SH3GL1: variants seen among roughly 807,000 people sequenced by gnomAD.
The protein encoded by SH3GL1 is SH3 domain containing GRB2 like 1, endophilin A2, also known as endophilin-A2.
A neutral mutation model predicts 48.8 loss-of-function variants in SH3GL1; 21 were observed. That is an observed-to-expected ratio of 0.43 (90% confidence interval 0.30 to 0.62). SH3GL1 has a LOEUF of 0.62. SH3GL1 is among the 20% of genes least tolerant of loss of function. SH3GL1 has a pLI of 0.11. For missense variants in SH3GL1, 454 were observed against 503.0 expected (o/e 0.90, Z 0.93); for synonymous variants, 282 against 217.5 (o/e 1.30, Z -2.61).
chr19:4,394,108 C>CCT (rs1352458023), intron 1 of SH3GL1, among the ~76,000 whole-genome samples: 1 of 141,520 alleles, frequency 7.1e-6, no homozygotes, highest in East Asian at 2.1e-4. Flanking sequence ...ATGTTCAAAC[C>CCT]CTCTCCCTCC....
At chr19:4,381,111 GTCCCCCTGCCTCTCTCTA>G (rs1264739276) in intron 1 of SH3GL1, among the ~76,000 whole-genome samples, 18 of 84,472 alleles carry the variant, frequency 2.1e-4, no homozygotes, top group Non-Finnish European at 3.2e-4. Flanking sequence ...CTTTGCCTCT[GTCCCCCTGCCTCTCTCTA>G]TCCCCCTGCC....
chr19:4,372,086 G>T (rs1972913807), intron 1 of SH3GL1, among the ~76,000 whole-genome samples: 1 of 152,226 alleles, frequency 6.6e-6, no homozygotes, highest in Non-Finnish European at 1.5e-5. Context: ...AAAACTACAG[G>T]CATGACACAG....
At chr19:4,387,829 A>C (rs1018125596) in intron 1 of SH3GL1, among the ~76,000 whole-genome samples, 6 of 152,092 alleles carry the variant, frequency 3.9e-5, no homozygotes, top group Non-Finnish European at 7.4e-5. Context: ...GATTACAGAT[A>C]TGCATTACTA....
chr19:4,372,087 C>T (rs1265382603), intron 1 of SH3GL1, among the ~76,000 whole-genome samples: 1 of 152,226 alleles, frequency 6.6e-6, no homozygotes, highest in African/African-American at 2.4e-5. Flanking sequence ...AAACTACAGG[C>T]ATGACACAGT....
rs1973021424 is a variant in SH3GL1, at chr19:4,376,975, C to T, written c.46-9981G>A. ...CGGGGGCAGCAACTCCCCGCAGTGA[C>T]CCGGAAGGCAGCCAGATGATACTCC... On this transcript the variant is annotated intron_variant, in intron 1 of 9. Coordinates refer to ENST00000269886, the MANE Select transcript of SH3GL1 (RefSeq NM_003025.4). The surrounding 1 kb of genome is among the most constrained non-coding windows in gnomAD (Gnocchi z 4.3). 1.3e-5 allele frequency among the ~76,000 whole-genome samples: 2 copies of T among 152,234 alleles called. No homozygotes were observed. The highest frequency in any genetic ancestry group is 6.5e-5 in the Admixed American group (1 of 15,286).
intron 4 of SH3GL1, among the ~76,000 whole-genome samples, chr19:4,365,229 G>C (rs1298821152): frequency 6.6e-6 from 1 of 152,200 alleles, no homozygotes; most frequent in Non-Finnish European, 1.5e-5. Context: ...CAGATGCTGG[G>C]GGGTCCAGGC....
Position 4,379,439 on chromosome 19 carries a change from AAAT to A in SH3GL1, c.46-12448_46-12446del, listed in dbSNP as rs1289154009. Among the ~76,000 whole-genome samples the A allele has an allele frequency of 2.5e-4, 37 of 148,796 alleles. No individual in the cohort carries two copies. In the South Asian group the frequency reaches 4.6e-3, roughly 18 times the overall value. On this transcript the variant is annotated intron_variant, in intron 1 of 9. Transcript: ENST00000269886. ...AGATGCTGTCTCAAAAAAAAAAAAA[AAAT>A]AAAGCAGCAAAGGACCAAGAGAGAA...
At chr19:4,395,087 G>A (rs1483298226) in intron 1 of SH3GL1, among the ~76,000 whole-genome samples, 1 of 152,254 alleles carries the variant, frequency 6.6e-6, no homozygotes, top group African/African-American at 2.4e-5. Flanking sequence ...CAAAGAACTG[G>A]AAACCTTTAA....
At chr19:4,384,241 G>GC (rs1233957339) in intron 1 of SH3GL1, among the ~76,000 whole-genome samples, 1 of 152,180 alleles carries the variant, frequency 6.6e-6, no homozygotes, top group East Asian at 1.9e-4. Context: ...TGGCGCAGGA[G>GC]CCCCCCAGTT....
At chr19:4,399,319 CAAAAAAAAAAAAA>C (rs58263818) in intron 1 of SH3GL1, among the ~76,000 whole-genome samples, 2 of 49,628 alleles carry the variant, frequency 4.0e-5, no homozygotes. Context: ...GACTCCCTCT[CAAAAAAAAAAAAA>C]AAAAAAAAAA....
chr19:4,364,463 C>T (rs1387185105), intron 4 of SH3GL1: 14 of 526,720 alleles, frequency 2.7e-5, no homozygotes, highest in East Asian at 6.8e-5. Flanking sequence ...GATGAAGTCT[C>T]GCTGTTGCCC....
intron 1 of SH3GL1, among the ~76,000 whole-genome samples, chr19:4,397,144 A>G (rs748616104): frequency 6.6e-6 from 1 of 152,220 alleles, no homozygotes; most frequent in Admixed American, 6.5e-5. Flanking sequence ...ATACGTCCAG[A>G]TAACAGCTGA....
At chr19:4,384,348 G>T (rs750242120) in intron 1 of SH3GL1, among the ~76,000 whole-genome samples, 2 of 152,210 alleles carry the variant, frequency 1.3e-5, no homozygotes, top group Admixed American at 1.3e-4. Context: ...CATACAGCAC[G>T]GTGGAGGAGG....
Position 4,362,349 on chromosome 19 carries a change from C to T in SH3GL1, c.890G>A (p.Arg297Gln), listed in dbSNP as rs199700932. The T allele has an allele frequency of 1.1e-4, 181 of 1,612,280 alleles. 1 individual carries two copies. The highest frequency in any genetic ancestry group is 1.3e-4 in the Non-Finnish European group (158 of 1,179,160). ...CTCACGCATGCTCCGGCTAGGGGTC[C>T]GGATGGGCTTGTCGGAAGATCGGAA... ...SSFRSSDKPI[R>Q]TPSRSMPPLD... Residue 297 changes from arginine (R) to glutamine (Q), a missense_variant, in exon 9 of 10, where the codon CGG (arginine) becomes CAG (glutamine). Physicochemically the swap from Arg to Gln is conservative, Grantham distance 43. Transcript: ENST00000269886.
rs761927385 is a variant in SH3GL1 at position 4,363,926 on chromosome 19, G to A, written c.466-48C>T. ...TCACACCAGTAGCGGCCAGAGGGCC[G>A]CCCCACGCATGGCTTTGACCCACTG... On this transcript the variant is annotated intron_variant, in intron 5 of 9. Transcript: ENST00000269886. The A allele has an allele frequency of 3.3e-5, 53 of 1,610,260 alleles. No homozygotes were observed. The East Asian group carries it at 5.8e-4, about 18-fold the overall frequency.
At chr19:4,373,125 T>C (rs1361956045) in intron 1 of SH3GL1, among the ~76,000 whole-genome samples, 1 of 89,328 alleles carries the variant, frequency 1.1e-5, no homozygotes, top group African/African-American at 5.1e-5. Context: ...AGAGGAGCAG[T>C]GGGAGGGGGG....
intron 1 of SH3GL1, among the ~76,000 whole-genome samples, chr19:4,374,592 C>T (rs190263617): frequency 1.9e-4 from 29 of 152,334 alleles, no homozygotes; most frequent in Non-Finnish European, 3.5e-4. Flanking sequence ...ATGGGGCAAT[C>T]GGCGTTTCTC....
At chr19:4,397,109 C>CA (rs1973439563) in intron 1 of SH3GL1, among the ~76,000 whole-genome samples, 1 of 151,846 alleles carries the variant, frequency 6.6e-6, no homozygotes, top group Non-Finnish European at 1.5e-5. Flanking sequence ...AGACTAAAAA[C>CA]AAAAAAAGAG....
At chr19:4,399,403 G>A (rs962787300) in intron 1 of SH3GL1, among the ~76,000 whole-genome samples, 1 of 151,514 alleles carries the variant, frequency 6.6e-6, no homozygotes, top group African/African-American at 2.4e-5. Flanking sequence ...AGGAAGGGAG[G>A]AAGGAAAGAA....
Sources: allele counts gnomAD v4.1 joint callset (sites outside exome capture counted in the v4.1 genomes callset), GRCh38; gene constraint gnomAD v4.1.1; non-coding constraint Gnocchi (gnomAD v3.1); transcripts MANE v1.5; gene names NCBI Gene and HGNC (gene_info 2026-07-23, HGNC 2026-07-21).